The following PROSER2 variants were observed in gnomAD, a reference collection of about 807,000 sequenced individuals.
PROSER2 encodes proline and serine rich 2, also known as proline and serine-rich protein 2.
In PROSER2, 18 loss-of-function variants were observed where a neutral mutation model predicts 14.6. The observed-to-expected ratio is 1.23, with a 90% CI of 0.85 to 1.83. The LOEUF (loss-of-function observed/expected upper bound fraction) is 1.83, where lower values mean the gene tolerates loss of function less well. Ranked by LOEUF, PROSER2 falls within the 40% of genes most tolerant of loss-of-function variation. PROSER2 has a pLI of 0.00. For missense variants in PROSER2, 823 were observed against 629.8 expected, an observed-to-expected ratio of 1.31 and a Z score of -3.28; for synonymous variants, 367 against 286.4, an observed-to-expected ratio of 1.28 and a Z score of -2.84.
chr10:11,854,456 G>A (rs1834084838), intron 2 of PROSER2, among the ~76,000 whole-genome samples: 1 of 152,122 alleles, frequency 6.6e-6, no homozygotes, highest in Admixed American at 6.5e-5. Flanking sequence ...AACGGTTGCA[G>A]CAGCACCACA....
Position 11,869,226 on chromosome 10 carries a change from T to C in PROSER2, c.392-264T>C, listed in dbSNP as rs773330445. 3.7e-6 allele frequency: 2 copies of C among 544,590 alleles called. No individual in the cohort carries two copies. Among genetic ancestry groups the C allele is most frequent in the Non-Finnish European group, 6.6e-6 (2 of 305,148 alleles). 33.7% of individuals were successfully genotyped at this position (544,590 alleles called of 1,614,324 possible). A position where few individuals can be genotyped will look rare whatever the true frequency, so the allele number is the denominator to read the frequency against. Reference sequence around the variant, plus strand: ...GGGGCTGGAGCCTCAGCAGCCCACATGGACGGAATGTCTCCTAGGTGTGGA... The same window carrying C: ...GGGGCTGGAGCCTCAGCAGCCCACACGGACGGAATGTCTCCTAGGTGTGGA... On this transcript the variant is annotated intron_variant, in intron 3 of 3. Transcript: ENST00000277570. This position sits in a 1 kb window ranked among gnomAD's most constrained non-coding sequence, Gnocchi z 4.4.
intron 2 of PROSER2, among the ~76,000 whole-genome samples, chr10:11,860,094 G>A (rs954707819): frequency 1.3e-5 from 2 of 152,202 alleles, no homozygotes; most frequent in Non-Finnish European, 2.9e-5. Flanking sequence ...ACTGTGGAAG[G>A]TGGCTTCGTC....
chr10:11,846,144 G>A (rs1383343077), intron 1 of PROSER2, among the ~76,000 whole-genome samples: 2 of 152,022 alleles, frequency 1.3e-5, no homozygotes, highest in African/African-American at 2.4e-5. Flanking sequence ...GCCCCACCAC[G>A]CCCGGCTCAT....
At position 11,824,822 on chromosome 10, in the gene PROSER2, T is replaced by C. The variant is rs556376261; in HGVS notation, c.-82+1352T>C. Among the ~76,000 whole-genome samples, 4 of 152,270 alleles carry C rather than the reference T, an allele frequency of 2.6e-5. No homozygotes were observed. In the East Asian group the frequency reaches 7.7e-4, roughly 29 times the overall value. On this transcript the variant is annotated intron_variant, in intron 1 of 3. Transcript: ENST00000277570. ...TTTCTCCATTACTAGAAATCAGAAA[T>C]CCAAAATTAGAGTGATATAGTGGAG...
rs368491296 is a variant in PROSER2, at chr10:11,829,705, C to T, written c.-82+6235C>T. Among the ~76,000 whole-genome samples the T allele has an allele frequency of 4.6e-5, 7 of 152,226 alleles. No homozygotes were observed. The East Asian group carries it at 7.7e-4, about 17-fold the overall frequency. On this transcript the variant is annotated intron_variant, in intron 1 of 3. Coordinates refer to ENST00000277570, the MANE Select transcript of PROSER2 (RefSeq NM_153256.4). The stretch of plus-strand genomic sequence containing the variant: ...TGCCACAAATTGCCCTCCATCTACA[C>T]CAGGTAACCAATGAATTTGTTGCAT...
Position 11,869,715 on chromosome 10 carries a change from C to T in PROSER2, c.617C>T (p.Ala206Val), listed in dbSNP as rs1485709280. The change falls in exon 4 of 4, where the codon GCG becomes GTG. Residue 206 changes from alanine (A) to valine (V), a missense_variant. Ala to Val is a moderately conservative substitution (Grantham distance 64, BLOSUM62 0). Transcript: ENST00000277570. This position sits in a 1 kb window ranked among gnomAD's most constrained non-coding sequence, Gnocchi z 4.4. Reference protein sequence around the residue: ...VMAQKISERMAGNEALSPTSP... With the variant: ...VMAQKISERMVGNEALSPTSP... ...GCGCAGAAGATTTCCGAGAGGATGGCGGGGAACGAAGCCCTCTCGCCCACC... is the reference window on the plus strand; with the variant it reads ...GCGCAGAAGATTTCCGAGAGGATGGTGGGGAACGAAGCCCTCTCGCCCACC... The T allele has an allele frequency of 5.6e-6, 9 of 1,593,242 alleles. No individual in the cohort carries two copies. The highest frequency in any genetic ancestry group is 1.7e-4 in the Middle Eastern group (1 of 6,036).
chr10:11,869,539 T>G lies in PROSER2; in HGVS notation c.441T>G (p.Pro147=). The change falls in exon 4 of 4, where the codon CCT becomes CCG. Residue 147 remains proline (P), a synonymous_variant. Transcript: ENST00000277570. The surrounding 1 kb of genome is among the most constrained non-coding windows in gnomAD (Gnocchi z 4.4). ...ACAGGAAACAAGATGCTGAGACTCC[T>G]CCACCTCCAGACCCCCCGGCTCCCG... ...KEHRKQDAET[P]PPPDPPAPET... is the part of the protein sequence containing the mutation. 6.2e-7 allele frequency: 1 copy of G among 1,613,670 alleles called. No individual in the cohort carries two copies. The highest frequency in any genetic ancestry group is 2.2e-5 in the East Asian group (1 of 44,862).
At chr10:11,857,969 T>C (rs1834156371) in intron 2 of PROSER2, among the ~76,000 whole-genome samples, 1 of 152,168 alleles carries the variant, frequency 6.6e-6, no homozygotes, top group African/African-American at 2.4e-5. Flanking sequence ...AGTCTTGCTC[T>C]GTTGCCCAGA....
Position 11,870,551 on chromosome 10 carries a change from C to A in PROSER2, c.*145C>A. On this transcript the variant is annotated 3_prime_UTR_variant, in exon 4 of 4. Coordinates refer to ENST00000277570, the MANE Select transcript of PROSER2 (RefSeq NM_153256.4). ...TGTGGCACATCGGAGTCTAGAGGTG[C>A]CTGGCTGGGGCCTCCTGGCTGAGCA... 1.5e-6 allele frequency: 1 copy of A among 670,688 alleles called. No homozygotes were observed. Among genetic ancestry groups the A allele is most frequent in the Non-Finnish European group, 2.3e-6 (1 of 434,290 alleles). 41.5% of individuals were successfully genotyped at this position (670,688 alleles called of 1,614,324 possible). A position where few individuals can be genotyped will look rare whatever the true frequency, so the allele number is the denominator to read the frequency against.
chr10:11,841,160 A>G (rs953573698), intron 1 of PROSER2, among the ~76,000 whole-genome samples: 1 of 151,064 alleles, frequency 6.6e-6, no homozygotes, highest in Admixed American at 6.6e-5. Flanking sequence ...AAGACTTCAG[A>G]TTTTTTATTT....
chr10:11,865,796 A>G lies in PROSER2; in HGVS notation c.139-735A>G, dbSNP rs1029263387. Among the ~76,000 whole-genome samples, 1 of 152,090 alleles carries G rather than the reference A, an allele frequency of 6.6e-6. No homozygotes were observed. The highest frequency in any genetic ancestry group is 1.5e-5 in the Non-Finnish European group (1 of 68,010). ...TCACCTTTTTCGAGAGTAACTGGCG[A>G]GTTTTGTGCCGGGATGAGCTCATTG... On this transcript the variant is annotated intron_variant, in intron 2 of 3. Transcript: ENST00000277570. This position sits in a 1 kb window ranked among gnomAD's most constrained non-coding sequence, Gnocchi z 4.2.
intron 2 of PROSER2, among the ~76,000 whole-genome samples, chr10:11,859,025 A>AAAAAAAAG (rs1834183857): frequency 1.8e-5 from 1 of 56,278 alleles, no homozygotes; most frequent in Non-Finnish European, 4.6e-5. Context: ...AAAAAAAAAA[A>AAAAAAAAG]AAAAAAAGGA....
rs566025981 is a variant in PROSER2 at position 11,865,156 on chromosome 10, T to C, written c.139-1375T>C. Among the ~76,000 whole-genome samples the C allele has an allele frequency of 2.0e-5, 3 of 152,224 alleles. No individual in the cohort carries two copies. Among genetic ancestry groups the C allele is most frequent in the Non-Finnish European group, 4.4e-5 (3 of 68,042 alleles). On this transcript the variant is annotated intron_variant, in intron 2 of 3. Coordinates refer to ENST00000277570, the MANE Select transcript of PROSER2 (RefSeq NM_153256.4). The surrounding 1 kb of genome is among the most constrained non-coding windows in gnomAD (Gnocchi z 4.2). ...ATTTCTCTCTCTGGAACTCTCATTA[T>C]TCACATAGTGGCCCTCCCAGATCCA...
intron 1 of PROSER2, among the ~76,000 whole-genome samples, chr10:11,845,272 C>T (rs1286603539): frequency 6.6e-6 from 1 of 152,172 alleles, no homozygotes; most frequent in African/African-American, 2.4e-5. Context: ...TGCCAGTTTA[C>T]ACCCCCACCA....
At position 11,830,629 on chromosome 10, in the gene PROSER2, T is replaced by A. The variant is rs1479457323; in HGVS notation, c.-82+7159T>A. Among the ~76,000 whole-genome samples, 1 of 152,084 alleles carries A rather than the reference T, an allele frequency of 6.6e-6. No individual in the cohort carries two copies. The highest frequency in any genetic ancestry group is 1.5e-5 in the Non-Finnish European group (1 of 67,978). ...TGTTTTCCATAGTCGACTCTACCCT[T>A]GAGCTACTTAAAGGTGTCCTGATTT... is the stretch of plus-strand genomic sequence containing the variant. On this transcript the variant is annotated intron_variant, in intron 1 of 3. Coordinates refer to ENST00000277570, the MANE Select transcript of PROSER2 (RefSeq NM_153256.4). The surrounding 1 kb of genome is among the most constrained non-coding windows in gnomAD (Gnocchi z 4.5).
intron 1 of PROSER2, among the ~76,000 whole-genome samples, chr10:11,840,955 AATATATATATATATATATATATATAT>A (rs1305528836): frequency 5.3e-5 from 1 of 18,888 alleles, no homozygotes. Flanking sequence ...AAAAAAAAAA[AATATATATATATATATATATATATAT>A]ATATATATAT....
intron 3 of PROSER2, among the ~76,000 whole-genome samples, chr10:11,867,398 T>C (rs768619995): frequency 1.2e-4 from 19 of 152,036 alleles, no homozygotes; most frequent in Non-Finnish European, 2.5e-4. Context: ...TTTTACAGGC[T>C]GGGCGCCATG....
intron 1 of PROSER2, among the ~76,000 whole-genome samples, chr10:11,832,093 T>G (rs975637230): frequency 6.6e-6 from 1 of 152,196 alleles, no homozygotes; most frequent in African/African-American, 2.4e-5. Flanking sequence ...GTGTTTAAGG[T>G]TCTAAGTTCT....
intron 2 of PROSER2, among the ~76,000 whole-genome samples, chr10:11,864,909 A>T (rs1400364121): frequency 6.6e-6 from 1 of 152,040 alleles, no homozygotes; most frequent in Non-Finnish European, 1.5e-5. Context: ...GATCTTTTGT[A>T]TGTGACCTGC....
Sources: allele counts gnomAD v4.1 joint callset (sites outside exome capture counted in the v4.1 genomes callset), GRCh38; gene constraint gnomAD v4.1.1; non-coding constraint Gnocchi (gnomAD v3.1); transcripts MANE v1.5; gene names NCBI Gene and HGNC (gene_info 2026-07-23, HGNC 2026-07-21).